Variants in APBB2 observed in about 807,000 individuals in gnomAD.
APBB2 encodes the protein amyloid beta precursor protein binding family B member 2, also known as Fe65-like 1.
A neutral mutation model predicts 82.5 loss-of-function variants in APBB2; 38 were observed. The ratio of observed to expected loss-of-function variants is 0.46; its 90% CI spans 0.36 to 0.60. The LOEUF (loss-of-function observed/expected upper bound fraction) is 0.60. Among genes scored for constraint, APBB2 ranks in the 20% least tolerant of loss-of-function variants. APBB2 has a pLI of 0.00. For synonymous variants in APBB2, 341 were observed against 368.2 expected (o/e 0.93, Z 0.85); for missense variants, 772 against 972.3 (o/e 0.79, Z 2.74).
At chr4:41,088,405 C>G (rs998794198) in intron 3 of APBB2, among the ~76,000 whole-genome samples, 3 of 152,236 alleles carry the variant, frequency 2.0e-5, no homozygotes, top group African/African-American at 7.2e-5. Context: ...TGGGGAGCTT[C>G]TGTACTGATA....
At chr4:40,916,336 C>T (rs1033393417) in intron 10 of APBB2, among the ~76,000 whole-genome samples, 1 of 151,382 alleles carries the variant, frequency 6.6e-6, no homozygotes, top group Non-Finnish European at 1.5e-5. Context: ...GACAGACAGA[C>T]AGAATGAAGT....
At chr4:41,213,693 C>T (rs1311952834) in intron 1 of APBB2, among the ~76,000 whole-genome samples, 2 of 152,230 alleles carry the variant, frequency 1.3e-5, no homozygotes, top group Non-Finnish European at 2.9e-5. Context: ...CCCTCCATTC[C>T]GCCCGGTGGG....
chr4:40,950,233 T>C (rs1299584871), intron 6 of APBB2, among the ~76,000 whole-genome samples: 1 of 152,258 alleles, frequency 6.6e-6, no homozygotes, highest in African/African-American at 2.4e-5. Flanking sequence ...TAGATACTAC[T>C]GCTCGTAGAA....
intron 4 of APBB2, among the ~76,000 whole-genome samples, chr4:41,044,299 A>AT (rs1553921073): frequency 6.6e-6 from 1 of 150,832 alleles, no homozygotes; most frequent in Admixed American, 6.6e-5. Context: ...CAGAACCAAT[A>AT]TTTTTTTTAA....
intron 1 of APBB2, among the ~76,000 whole-genome samples, chr4:41,146,323 CAAAAAAAAA>C (rs35546477): frequency 1.7e-5 from 1 of 58,356 alleles, no homozygotes; most frequent in Admixed American, 2.2e-4. Flanking sequence ...AAGACTGTCT[CAAAAAAAAA>C]AAAAAAAAAA....
At chr4:41,059,872 TAG>T (rs886157277) in intron 4 of APBB2, among the ~76,000 whole-genome samples, 4 of 151,906 alleles carry the variant, frequency 2.6e-5, no homozygotes, top group African/African-American at 7.3e-5. Flanking sequence ...GCCGCTGGGT[TAG>T]AGTCTCCCCG....
intron 4 of APBB2, among the ~76,000 whole-genome samples, chr4:41,049,339 TCTCCGA>T: frequency 1.2e-5 from 1 of 83,698 alleles, no homozygotes; most frequent in Non-Finnish European, 2.3e-5. Flanking sequence ...GTGAGGAGCG[TCTCCGA>T]CCGGCAGCCG....
intron 2 of APBB2, among the ~76,000 whole-genome samples, chr4:41,130,079 G>C (rs1755550102): frequency 6.6e-6 from 1 of 152,178 alleles, no homozygotes; most frequent in South Asian, 2.1e-4. Flanking sequence ...GAGAACACAA[G>C]AAGAACCAGC....
Position 40,912,049 on chromosome 4 carries a change from G to A in APBB2, c.1255-18638C>T, listed in dbSNP as rs185808491. On this transcript the variant is annotated intron_variant, in intron 10 of 17. Transcript: ENST00000508593. ...CACTCAGCGATACGGGACAAGCACA[G>A]AATGCAATAATATTTAGTTTGTTCA... Among the ~76,000 whole-genome samples, 15 of 152,340 alleles carry A rather than the reference G, an allele frequency of 9.8e-5. 1 individual carries two copies. The East Asian group carries it at 2.7e-3, about 27-fold the overall frequency.
At chr4:41,101,012 T>C (rs2153968483) in intron 2 of APBB2, among the ~76,000 whole-genome samples, 1 of 152,300 alleles carries the variant, frequency 6.6e-6, no homozygotes, top group East Asian at 1.9e-4. Context: ...ACCACTCCTG[T>C]TAAAGATGTC....
chr4:40,886,115 A>AC (rs1770171602), intron 12 of APBB2, among the ~76,000 whole-genome samples: 1 of 152,206 alleles, frequency 6.6e-6, no homozygotes, highest in Admixed American at 6.5e-5. Context: ...CTGTGCCCCT[A>AC]CCCAGAAGAT....
intron 10 of APBB2, among the ~76,000 whole-genome samples, chr4:40,934,046 G>T (rs559243219): frequency 2.4e-4 from 37 of 152,306 alleles, no homozygotes; most frequent in African/African-American, 8.9e-4. Context: ...ATGGCAAAGA[G>T]ATTTCACCTT....
intron 6 of APBB2, among the ~76,000 whole-genome samples, chr4:40,963,360 C>T (rs113454629): frequency 3.9e-5 from 6 of 152,280 alleles, no homozygotes; most frequent in African/African-American, 1.4e-4. Context: ...GATCTTCCCA[C>T]CTCAGCTTCC....
chr4:40,962,635 T>A (rs1793590002), intron 6 of APBB2, among the ~76,000 whole-genome samples: 1 of 152,120 alleles, frequency 6.6e-6, no homozygotes, highest in Admixed American at 6.5e-5. Context: ...TTAGGAGTGG[T>A]CCCCTTTTTT....
chr4:41,003,882 T>C (rs1321952723), intron 6 of APBB2, among the ~76,000 whole-genome samples: 1 of 152,092 alleles, frequency 6.6e-6, no homozygotes, highest in Non-Finnish European at 1.5e-5. Context: ...CCAGCTAATT[T>C]TTGTATTTTT....
chr4:41,010,990 C>T (rs1249681935), intron 6 of APBB2, among the ~76,000 whole-genome samples: 3 of 151,902 alleles, frequency 2.0e-5, no homozygotes, highest in African/African-American at 7.3e-5. Context: ...GAGAAAATAC[C>T]ATACACAATA....
chr4:40,857,261 C>A (rs1362670462), intron 12 of APBB2: 2 of 800,260 alleles, frequency 2.5e-6, no homozygotes, highest in Admixed American at 1.2e-4. Flanking sequence ...CGGCCGCACT[C>A]CCGTGAAGTG....
chr4:40,984,098 C>G (rs1799796088), intron 6 of APBB2, among the ~76,000 whole-genome samples: 1 of 152,172 alleles, frequency 6.6e-6, no homozygotes, highest in Non-Finnish European at 1.5e-5. Context: ...CAGCAGTGCA[C>G]AACTACCTGT....
intron 12 of APBB2, among the ~76,000 whole-genome samples, chr4:40,883,943 G>A (rs1769466523): frequency 1.3e-5 from 2 of 152,224 alleles, no homozygotes; most frequent in Non-Finnish European, 2.9e-5. Flanking sequence ...GGAACATGGT[G>A]TGTCCACCTT....
Sources: gnomAD v4.1 joint callset for allele counts (sites outside exome capture counted in the v4.1 genomes callset) on GRCh38, gnomAD v4.1.1 for gene constraint, MANE v1.5 for transcripts, NCBI Gene and HGNC (gene_info 2026-07-23, HGNC 2026-07-21) for gene names.